DICER1: variants seen among roughly 807,000 people sequenced by gnomAD.
DICER1 encodes endoribonuclease Dicer.
Under a neutral mutation model 194.1 loss-of-function variants are expected in DICER1, and 43 were observed. That is an observed-to-expected ratio of 0.22 (90% CI 0.17 to 0.29). The LOEUF is 0.29. Among genes scored for constraint, DICER1 ranks in the 10% least tolerant of loss-of-function variants. The probability of loss-of-function intolerance (pLI) is 1.00; values close to 1 mark genes in which losing one functional copy is unlikely to be tolerated. For synonymous variants in DICER1, 832 were observed against 820.5 expected, an observed-to-expected ratio of 1.01 and a Z score of -0.24; for missense variants, 1,608 against 2,317.0, an observed-to-expected ratio of 0.69 and a Z score of 6.28.
At chr14:95,147,419 C>T (rs1393897403) in intron 1 of DICER1, among the ~76,000 whole-genome samples, 3 of 152,144 alleles carry the variant, frequency 2.0e-5, no homozygotes, top group Non-Finnish European at 4.4e-5. Context: ...ATGATCACAC[C>T]ACTGCACTCC....
At chr14:95,145,960 G>A (rs577948485) in intron 1 of DICER1, among the ~76,000 whole-genome samples, 38 of 152,154 alleles carry the variant, frequency 2.5e-4, no homozygotes, top group Non-Finnish European at 4.7e-4. Flanking sequence ...AACACTCCCC[G>A]CCACCAATTT....
At chr14:95,110,278 G>A (rs994110554) in intron 14 of DICER1, among the ~76,000 whole-genome samples, 9 of 152,190 alleles carry the variant, frequency 5.9e-5, no homozygotes, top group Non-Finnish European at 7.3e-5. Flanking sequence ...CCAGTTCAGG[G>A]CCAAGGGTGC....
At chr14:95,093,855 A>C in intron 24 of DICER1, 33 bp downstream of exon 24, 1 of 1,612,966 alleles carries the variant, frequency 6.2e-7, no homozygotes, top group Non-Finnish European at 8.5e-7. Context: ...TAGTTAGACC[A>C]CTTTTTTCAA....
At chr14:95,151,810 A>C (rs987890122) in intron 1 of DICER1, among the ~76,000 whole-genome samples, 12 of 151,962 alleles carry the variant, frequency 7.9e-5, no homozygotes. Flanking sequence ...TGTTAATCTC[A>C]CCTCCCAGGA....
intron 13 of DICER1, among the ~76,000 whole-genome samples, 194 bp from the exon 14 acceptor site, chr14:95,111,650 G>A (rs1471145082): frequency 6.6e-6 from 1 of 152,048 alleles, no homozygotes; most frequent in East Asian, 1.9e-4. Context: ...ATTCCAATAT[G>A]AGCTGGACTG....
chr14:95,129,859 A>G (rs1475740603), intron 5 of DICER1, among the ~76,000 whole-genome samples, 199 bp downstream of exon 5: 1 of 152,202 alleles, frequency 6.6e-6, no homozygotes, highest in African/African-American at 2.4e-5. Flanking sequence ...CACTATGAAA[A>G]TTATATAGAA....
chr14:95,124,342 C>T lies in DICER1; in HGVS notation c.1230G>A (p.Val410=), dbSNP rs1481644631. 6.2e-7 allele frequency: 1 copy of T among 1,613,908 alleles called. No homozygotes were observed. The highest frequency in any genetic ancestry group is 8.5e-7 in the Non-Finnish European group (1 of 1,179,854). Residue 410 remains valine (V), a synonymous_variant, in exon 8 of 27, where the codon GTG becomes GTA. Transcript: ENST00000343455. The surrounding 1 kb of genome is among the most constrained non-coding windows in gnomAD (Gnocchi z 4.5). ...CATCATCCTCAGAATCACTCCATGA[C>T]ACATAATTATCCTGATTTCTATTAT... ...WYNNRNQDNY[V]SWSDSEDDDE... is the part of the protein sequence containing the mutation.
At chr14:95,107,539 C>G in intron 17 of DICER1, 69 bp downstream of exon 17, 1 of 1,543,258 alleles carries the variant, frequency 6.5e-7, no homozygotes, top group African/African-American at 1.4e-5. Flanking sequence ...CGTGAGCCAC[C>G]GTGCCCGACC....
At chr14:95,103,005 C>T (rs1891023358) in intron 21 of DICER1, among the ~76,000 whole-genome samples, 1 of 152,236 alleles carries the variant, frequency 6.6e-6, no homozygotes, top group African/African-American at 2.4e-5. Flanking sequence ...CCTTGACTGA[C>T]TACAATGCAC....
In DICER1 at chr14:95,124,807, G is replaced by A. The variant is rs573514143; in HGVS notation, c.904-139C>T. The A allele has an allele frequency of 2.8e-6, 2 of 702,050 alleles. No homozygotes were observed. The highest frequency in any genetic ancestry group is 2.6e-5 in the Admixed American group (1 of 38,690). The allele number at this position is 702,050 out of a possible 1,614,324, so 43.5% of individuals were successfully genotyped here. A position where few individuals can be genotyped will look rare whatever the true frequency, so the allele number is the denominator to read the frequency against. ...AGCCTTAGGTTAAGTCCCTGAAGGT[G>A]GGGGGAGAGGCCATTAGCCTTTTCA... On this transcript the variant is annotated intron_variant, in intron 7 of 26. Transcript: ENST00000343455. The surrounding 1 kb of genome is among the most constrained non-coding windows in gnomAD (Gnocchi z 4.5).
At position 95,111,877 on chromosome 14, in the gene DICER1, C is replaced by T. The variant is rs182837099; in HGVS notation, c.2116+295G>A. On this transcript the variant is annotated intron_variant, in intron 13 of 26. Transcript: ENST00000343455. ...ACTGACATATTAAAACACAAGTGTTCATGGTGCATGATTCAACAATTACGA... is the reference window on the plus strand; with the variant it reads ...ACTGACATATTAAAACACAAGTGTTTATGGTGCATGATTCAACAATTACGA... 1.2e-4 allele frequency among the ~76,000 whole-genome samples: 19 copies of T among 152,074 alleles called. No homozygotes were observed. The East Asian group carries it at 3.5e-3, about 28-fold the overall frequency.
At chr14:95,150,118 AGTTACAG>A (rs1895419192) in intron 1 of DICER1, among the ~76,000 whole-genome samples, 1 of 152,244 alleles carries the variant, frequency 6.6e-6, no homozygotes, top group Non-Finnish European at 1.5e-5. Context: ...AAGTTCTTAA[AGTTACAG>A]GTGCAACTGG....
chr14:95,126,005 T>G (rs1050991217), intron 7 of DICER1, among the ~76,000 whole-genome samples: 1 of 152,018 alleles, frequency 6.6e-6, no homozygotes, highest in African/African-American at 2.4e-5. Context: ...TCACAAATGG[T>G]TGCAAAGTTC....
intron 1 of DICER1, among the ~76,000 whole-genome samples, chr14:95,135,801 A>T (rs951629757): frequency 2.6e-5 from 4 of 152,168 alleles, no homozygotes; most frequent in Non-Finnish European, 5.9e-5. Flanking sequence ...TTCTTTACCC[A>T]TTCATCTGTT....
At chr14:95,102,685 T>TC (rs397799354) in intron 21 of DICER1, among the ~76,000 whole-genome samples, 7 of 151,322 alleles carry the variant, frequency 4.6e-5, no homozygotes, top group African/African-American at 1.7e-4. Context: ...TTGTGAGACT[T>TC]TTTTCCATTT....
chr14:95,086,384 A>C lies in DICER1; in HGVS notation c.*4114T>G. ...ATCATGTTCCTTAAAAAACAGCTGCAGCATGTGATGGTAAATATTTTATTG... is the reference window on the plus strand; with the variant it reads ...ATCATGTTCCTTAAAAAACAGCTGCCGCATGTGATGGTAAATATTTTATTG... On this transcript the variant is annotated 3_prime_UTR_variant, in exon 27 of 27. Transcript: ENST00000343455. 1 of 233,204 alleles carries C rather than the reference A, an allele frequency of 4.3e-6. No homozygotes were observed. 14.4% of individuals were successfully genotyped at this position (233,204 alleles called of 1,614,324 possible). A position where few individuals can be genotyped will look rare whatever the true frequency, so the allele number is the denominator to read the frequency against.
At chr14:95,111,630 G>T (rs534008835) in intron 13 of DICER1, among the ~76,000 whole-genome samples, 174 bp from the exon 14 acceptor site, 180 of 152,034 alleles carry the variant, frequency 1.2e-3, no homozygotes, top group Non-Finnish European at 2.2e-3. Flanking sequence ...GTCTATTTTG[G>T]CATCCATATA....
chr14:95,150,377 T>TC (rs1895436627), intron 1 of DICER1, among the ~76,000 whole-genome samples: 1 of 152,192 alleles, frequency 6.6e-6, no homozygotes, highest in East Asian at 1.9e-4. Context: ...TCCCAGCTAC[T>TC]CAGGAGGCTG....
chr14:95,151,066 A>G (rs973239598), intron 1 of DICER1, among the ~76,000 whole-genome samples: 1 of 152,182 alleles, frequency 6.6e-6, no homozygotes, highest in Non-Finnish European at 1.5e-5. Flanking sequence ...ATAAAACCTA[A>G]CTTGAGGTTT....
Sources: gnomAD v4.1 joint callset for allele counts (sites outside exome capture counted in the v4.1 genomes callset) on GRCh38, gnomAD v4.1.1 for gene constraint, Gnocchi (gnomAD v3.1) non-coding constraint, MANE v1.5 for transcripts, NCBI Gene and HGNC (gene_info 2026-07-23, HGNC 2026-07-21) for gene names.